Variants in PTPRD observed in about 807,000 individuals in gnomAD.
PTPRD encodes the protein protein tyrosine phosphatase receptor type D.
A neutral mutation model predicts 214.5 loss-of-function variants in PTPRD; 34 were observed. The observed-to-expected ratio is 0.16, with a 90% confidence interval of 0.12 to 0.21. The LOEUF is 0.21. Ranked by LOEUF, PTPRD falls within the 10% of genes least tolerant of loss-of-function variation. The probability of loss-of-function intolerance (pLI) is 1.00; values close to 1 mark genes in which losing one functional copy is unlikely to be tolerated. For missense variants in PTPRD, 2,545 were observed against 2,398.7 expected (o/e 1.06, Z -1.27); for synonymous variants, 1,128 against 845.7 (o/e 1.33, Z -5.79).
intron 35 of PTPRD, among the ~76,000 whole-genome samples, chr9:8,431,254 T>A (rs192227401): frequency 2.4e-4 from 37 of 152,266 alleles, no homozygotes; most frequent in Non-Finnish European, 4.7e-4. Flanking sequence ...AATGAAAATA[T>A]GATTACAGAC....
intron 3 of PTPRD, among the ~76,000 whole-genome samples, chr9:10,306,355 A>G (rs1415515744): frequency 6.6e-6 from 1 of 152,042 alleles, no homozygotes; most frequent in South Asian, 2.1e-4. Flanking sequence ...GCAAACCACC[A>G]TGGCATGTGT....
At chr9:10,452,183 T>C (rs920448931) in intron 2 of PTPRD, among the ~76,000 whole-genome samples, 1 of 151,972 alleles carries the variant, frequency 6.6e-6, no homozygotes, top group Non-Finnish European at 1.5e-5. Flanking sequence ...TTGTACTTTA[T>C]TGTGTATATA....
intron 2 of PTPRD, among the ~76,000 whole-genome samples, chr9:10,507,848 A>G (rs1231966223): frequency 6.6e-6 from 1 of 152,208 alleles, no homozygotes; most frequent in African/African-American, 2.4e-5. Context: ...TAAAAACCCT[A>G]GAAGAAAACC....
At chr9:9,882,470 A>T (rs1219138073) in intron 5 of PTPRD, among the ~76,000 whole-genome samples, 5 of 152,118 alleles carry the variant, frequency 3.3e-5, no homozygotes, top group African/African-American at 1.2e-4. Context: ...TTGAGGATGA[A>T]GGGTACTGAT....
At chr9:8,511,920 G>T (rs2097690566) in intron 21 of PTPRD, among the ~76,000 whole-genome samples, 1 of 151,846 alleles carries the variant, frequency 6.6e-6, no homozygotes. Context: ...CCAAGACAAG[G>T]GATGAAAAAG....
At chr9:9,157,759 G>A (rs1286999701) in intron 10 of PTPRD, among the ~76,000 whole-genome samples, 1 of 151,862 alleles carries the variant, frequency 6.6e-6, no homozygotes, top group Admixed American at 6.6e-5. Flanking sequence ...TCCAGGATGT[G>A]CAGGTTTGTT....
At chr9:10,335,623 CT>C (rs2096831617) in intron 3 of PTPRD, among the ~76,000 whole-genome samples, 2 of 151,348 alleles carry the variant, frequency 1.3e-5, no homozygotes, top group South Asian at 4.2e-4. Context: ...AAAATTCCAG[CT>C]GAAAAAAGAC....
At chr9:10,430,119 T>C (rs2098663664) in intron 2 of PTPRD, among the ~76,000 whole-genome samples, 1 of 151,980 alleles carries the variant, frequency 6.6e-6, no homozygotes, top group South Asian at 2.1e-4. Flanking sequence ...AGAACAACCT[T>C]CATGTATTTC....
At chr9:10,232,781 A>G (rs984703430) in intron 3 of PTPRD, among the ~76,000 whole-genome samples, 3 of 151,998 alleles carry the variant, frequency 2.0e-5, no homozygotes, top group Admixed American at 1.3e-4. Flanking sequence ...TGAAAAGACA[A>G]TTTAATTGCT....
At chr9:9,377,145 T>C (rs2061004923) in intron 9 of PTPRD, among the ~76,000 whole-genome samples, 1 of 152,038 alleles carries the variant, frequency 6.6e-6, no homozygotes, top group South Asian at 2.1e-4. Context: ...TATAAAAACA[T>C]CCAGTTATAA....
chr9:9,648,884 T>A (rs141685675), intron 7 of PTPRD, among the ~76,000 whole-genome samples: 85 of 152,256 alleles, frequency 5.6e-4, no homozygotes, highest in African/African-American at 2.0e-3. Context: ...AGGGAAGTAT[T>A]AGCTAAGATA....
intron 2 of PTPRD, among the ~76,000 whole-genome samples, chr9:10,540,696 A>C (rs1393835836): frequency 6.6e-6 from 1 of 152,142 alleles, no homozygotes; most frequent in African/African-American, 2.4e-5. Flanking sequence ...CCCTGCTCAA[A>C]AAGAATGTGG....
chr9:8,813,052 C>T (rs1204791383), intron 11 of PTPRD, among the ~76,000 whole-genome samples: 1 of 152,128 alleles, frequency 6.6e-6, no homozygotes, highest in Non-Finnish European at 1.5e-5. Flanking sequence ...CACTGCATAG[C>T]TATGAAATGG....
At chr9:8,448,812 T>C (rs1423493657) in intron 34 of PTPRD, among the ~76,000 whole-genome samples, 1 of 152,204 alleles carries the variant, frequency 6.6e-6, no homozygotes, top group African/African-American at 2.4e-5. Flanking sequence ...TGTATCATAC[T>C]GTGAATCAGA....
intron 8 of PTPRD, among the ~76,000 whole-genome samples, chr9:9,409,277 A>T (rs1569568070): frequency 6.6e-6 from 1 of 152,026 alleles, no homozygotes; most frequent in East Asian, 1.9e-4. Context: ...ACAATATCCA[A>T]TAGCAAGCTT....
intron 6 of PTPRD, among the ~76,000 whole-genome samples, chr9:9,744,707 C>G (rs1456720616): frequency 6.6e-6 from 1 of 151,874 alleles, no homozygotes; most frequent in African/African-American, 2.4e-5. Flanking sequence ...AAAGAGTAAA[C>G]AAATTAATGA....
intron 5 of PTPRD, among the ~76,000 whole-genome samples, chr9:9,833,551 G>A (rs2055679625): frequency 6.6e-6 from 1 of 150,686 alleles, no homozygotes; most frequent in African/African-American, 2.5e-5. Context: ...ACAGGGTTTT[G>A]AGATCAACCG....
chr9:9,646,542 C>A (rs1439716892), intron 7 of PTPRD, among the ~76,000 whole-genome samples: 5 of 152,028 alleles, frequency 3.3e-5, no homozygotes, highest in African/African-American at 7.2e-5. Context: ...GTATTATTAT[C>A]TGTTTATACT....
At chr9:8,502,298 C>T (rs1472877813) in intron 23 of PTPRD, among the ~76,000 whole-genome samples, 1 of 151,990 alleles carries the variant, frequency 6.6e-6, no homozygotes, top group Non-Finnish European at 1.5e-5. Flanking sequence ...ATTTTTAAAG[C>T]AATGTATATG....
Sources: allele counts gnomAD v4.1 joint callset (sites outside exome capture counted in the v4.1 genomes callset), GRCh38; gene constraint gnomAD v4.1.1; transcripts MANE v1.5; gene names NCBI Gene and HGNC (gene_info 2026-07-23, HGNC 2026-07-21).